Variants in CADM1 observed in about 807,000 individuals in gnomAD.
The protein encoded by CADM1 is cell adhesion molecule 1.
CADM1 carries 15 observed loss-of-function variants against 53.1 expected under a neutral mutation model. The observed-to-expected ratio is 0.28, with a 90% CI of 0.19 to 0.44. CADM1 has a LOEUF of 0.44. Among genes scored for constraint, CADM1 ranks in the 20% least tolerant of loss-of-function variants. CADM1 has a pLI of 1.00. For missense variants in CADM1, 434 were observed against 611.3 expected (o/e 0.71, Z 3.06); for synonymous variants, 281 against 243.0 (o/e 1.16, Z -1.45).
At chr11:115,357,524 T>A (rs1204763413) in intron 1 of CADM1, among the ~76,000 whole-genome samples, 1 of 152,176 alleles carries the variant, frequency 6.6e-6, no homozygotes, top group African/African-American at 2.4e-5. Context: ...AGACTTTCAA[T>A]CAGTCAGCCT....
intron 1 of CADM1, chr11:115,363,706 T>C (rs1269828892): frequency 6.6e-6 from 1 of 152,208 alleles, no homozygotes; most frequent in Non-Finnish European, 1.5e-5. Flanking sequence ...GGTAAGATTC[T>C]TGGACTATTT....
At chr11:115,292,558 T>C (rs1376579661) in intron 1 of CADM1, among the ~76,000 whole-genome samples, 1 of 152,202 alleles carries the variant, frequency 6.6e-6, no homozygotes, top group African/African-American at 2.4e-5. Context: ...TTAGTAATAA[T>C]TAAAAATTCA....
At position 115,439,539 on chromosome 11, in the gene CADM1, C is replaced by T. The variant is rs1438225076; in HGVS notation, c.124+64732G>A. ...TTCTCATGGCCTCAAAGGACGTGTG[C>T]TGTTGACAGACTGCAGCTGAAAAGG... On this transcript the variant is annotated intron_variant, in intron 1 of 11. Transcript: ENST00000331581. Among the ~76,000 whole-genome samples the T allele has an allele frequency of 5.3e-5, 8 of 152,342 alleles. No individual in the cohort carries two copies. The East Asian group carries it at 1.5e-3, about 29-fold the overall frequency.
intron 1 of CADM1, among the ~76,000 whole-genome samples, chr11:115,415,887 T>A (rs998671237): frequency 2.0e-5 from 3 of 148,736 alleles, no homozygotes; most frequent in African/African-American, 7.4e-5. Flanking sequence ...CAAAGTAGCC[T>A]TCCTGGAAGA....
At chr11:115,204,160 C>T (rs1044858668) in intron 8 of CADM1, among the ~76,000 whole-genome samples, 2 of 152,160 alleles carry the variant, frequency 1.3e-5, no homozygotes, top group African/African-American at 4.8e-5. Context: ...CTAATCTATG[C>T]CTGAAACATA....
intron 10 of CADM1, among the ~76,000 whole-genome samples, chr11:115,187,884 T>C (rs541479997): frequency 6.6e-6 from 1 of 152,348 alleles, no homozygotes; most frequent in East Asian, 1.9e-4. Context: ...GCTTTCTTTT[T>C]TGGATCGTGA....
At position 115,174,110 on chromosome 11, in the gene CADM1, G is replaced by C; in HGVS notation, c.*2364C>G. On this transcript the variant is annotated 3_prime_UTR_variant, in exon 12 of 12. Coordinates refer to ENST00000331581, the MANE Select transcript of CADM1 (RefSeq NM_001301043.2). ...GGGGCCTACACTTTGCAATCTACCT[G>C]AGACGGAAAACACCAATCGCAACAC... The C allele has an allele frequency of 1.0e-6, 1 of 985,094 alleles. No homozygotes were observed. The allele number at this position is 985,094 out of a possible 1,614,324, so 61.0% of individuals were successfully genotyped here. A position where few individuals can be genotyped will look rare whatever the true frequency, so the allele number is the denominator to read the frequency against.
chr11:115,366,346 C>T (rs1409751359), intron 1 of CADM1, among the ~76,000 whole-genome samples: 2 of 152,114 alleles, frequency 1.3e-5, no homozygotes, highest in Non-Finnish European at 2.9e-5. Flanking sequence ...TTCTGACATG[C>T]AAAAATACAA....
intron 1 of CADM1, among the ~76,000 whole-genome samples, chr11:115,277,638 A>C (rs866968722): frequency 6.6e-6 from 1 of 152,196 alleles, no homozygotes; most frequent in Non-Finnish European, 1.5e-5. Flanking sequence ...CTTGGTTCAC[A>C]TGAAGAAGGC....
intron 8 of CADM1, among the ~76,000 whole-genome samples, chr11:115,208,611 C>A (rs536771885): frequency 6.6e-6 from 1 of 152,084 alleles, no homozygotes; most frequent in Non-Finnish European, 1.5e-5. Context: ...CAAAATGCAG[C>A]GGAAAAGTTA....
At chr11:115,341,797 C>T (rs1165405384) in intron 1 of CADM1, among the ~76,000 whole-genome samples, 1 of 152,208 alleles carries the variant, frequency 6.6e-6, no homozygotes, top group East Asian at 1.9e-4. Context: ...AAATAAATAG[C>T]AGAACTTCCC....
intron 1 of CADM1, among the ~76,000 whole-genome samples, chr11:115,385,570 A>T (rs1319046122): frequency 6.6e-6 from 1 of 152,016 alleles, no homozygotes; most frequent in African/African-American, 2.4e-5. Context: ...AATGTATACA[A>T]AGTCTGTCTA....
intron 1 of CADM1, among the ~76,000 whole-genome samples, chr11:115,269,672 C>T (rs972620261): frequency 6.6e-6 from 1 of 152,052 alleles, no homozygotes; most frequent in African/African-American, 2.4e-5. Flanking sequence ...CCACAGAAGC[C>T]AGGAAATTCA....
At chr11:115,475,478 T>C (rs552870223) in intron 1 of CADM1, among the ~76,000 whole-genome samples, 5 of 152,214 alleles carry the variant, frequency 3.3e-5, no homozygotes, top group East Asian at 3.9e-4. Context: ...CCCAGATACA[T>C]AGCCACATTA....
At chr11:115,223,106 C>A (rs1447950094) in intron 5 of CADM1, among the ~76,000 whole-genome samples, 1 of 152,174 alleles carries the variant, frequency 6.6e-6, no homozygotes, top group Non-Finnish European at 1.5e-5. Flanking sequence ...AACATTGGGG[C>A]ATGGACTTCT....
rs1355643497 is a variant in CADM1, at chr11:115,231,635, A to G, written c.425-145T>C. ...AAGAAATACAAAGTAATCATCAAATAAAGTGAGTTATGCAAAATCAGTTAA... is the reference window on the plus strand; with the variant it reads ...AAGAAATACAAAGTAATCATCAAATGAAGTGAGTTATGCAAAATCAGTTAA... On this transcript the variant is annotated intron_variant, in intron 3 of 11. Transcript: ENST00000331581. 3 of 761,418 alleles carry G rather than the reference A, an allele frequency of 3.9e-6. No individual in the cohort carries two copies. In the South Asian group the frequency reaches 4.5e-5, roughly 11 times the overall value. 47.2% of individuals were successfully genotyped at this position (761,418 alleles called of 1,614,324 possible). A position where few individuals can be genotyped will look rare whatever the true frequency, so the allele number is the denominator to read the frequency against.
chr11:115,372,607 TTA>T (rs1429953214), intron 1 of CADM1, among the ~76,000 whole-genome samples: 1 of 152,180 alleles, frequency 6.6e-6, no homozygotes, highest in Admixed American at 6.5e-5. Context: ...ATGTAAAAGA[TTA>T]TCAAAATTAA....
At chr11:115,502,972 C>A (rs1949762607) in intron 1 of CADM1, among the ~76,000 whole-genome samples, 1 of 152,200 alleles carries the variant, frequency 6.6e-6, no homozygotes, top group South Asian at 2.1e-4. Flanking sequence ...GCTCCCGGGT[C>A]CTGCAGCTCT....
At chr11:115,256,157 T>C (rs565966788) in intron 1 of CADM1, among the ~76,000 whole-genome samples, 2 of 152,316 alleles carry the variant, frequency 1.3e-5, no homozygotes, top group African/African-American at 4.8e-5. Flanking sequence ...AGGTTTGTTA[T>C]AGAAGTGATG....
Sources: allele counts gnomAD v4.1 joint callset (sites outside exome capture counted in the v4.1 genomes callset), GRCh38; gene constraint gnomAD v4.1.1; transcripts MANE v1.5; gene names NCBI Gene and HGNC (gene_info 2026-07-23, HGNC 2026-07-21).